The following TENM3 variants were observed in gnomAD, a reference collection of about 807,000 sequenced individuals.
TENM3 encodes the protein teneurin transmembrane protein 3.
TENM3 carries 63 observed loss-of-function variants against 255.1 expected under a neutral mutation model. The ratio of observed to expected loss-of-function variants is 0.25; its 90% CI spans 0.20 to 0.30. The LOEUF (loss-of-function observed/expected upper bound fraction) is 0.30, where lower values mean the gene tolerates loss of function less well. Ranked by LOEUF, TENM3 falls within the 10% of genes least tolerant of loss-of-function variation. The pLI is 1.00. For synonymous variants in TENM3, 1,306 were observed against 1,322.3 expected (o/e 0.99, Z 0.27); for missense variants, 2,929 against 3,461.1 (o/e 0.85, Z 3.86).
chr4:181,702,265 A>G, the TENM3 span, among the ~76,000 whole-genome samples: 1 of 152,216 alleles, frequency 6.6e-6, no homozygotes, highest in South Asian at 2.1e-4. Context: ...GTAAGATGTC[A>G]GATCAGTGCT....
At chr4:182,032,522 T>C in the TENM3 span, among the ~76,000 whole-genome samples, 1 of 152,126 alleles carries the variant, frequency 6.6e-6, no homozygotes, top group Non-Finnish European at 1.5e-5. Flanking sequence ...TTGTTGTTGA[T>C]GTATCTCTGT....
At chr4:181,661,630 A>G in the TENM3 span, among the ~76,000 whole-genome samples, 1 of 152,216 alleles carries the variant, frequency 6.6e-6, no homozygotes, top group East Asian at 1.9e-4. Flanking sequence ...CTGTTTGAAA[A>G]CTATCATTAA....
chr4:182,202,697 T>C (rs7349674), intron 1 of TENM3, among the ~76,000 whole-genome samples: 80,411 of 152,018 alleles, frequency 0.53, 24,024 homozygotes, highest in South Asian at 0.69. Context: ...ATCTTGCTGC[T>C]GGGTTTGCAG....
At chr4:182,707,060 A>G (rs1390177151) in intron 12 of TENM3, among the ~76,000 whole-genome samples, 1 of 152,126 alleles carries the variant, frequency 6.6e-6, no homozygotes, top group Admixed American at 6.5e-5. Flanking sequence ...CGATTTACAC[A>G]TTAAGTCACC....
the TENM3 span, among the ~76,000 whole-genome samples, chr4:181,605,526 GAAA>G: frequency 5.3e-5 from 1 of 18,932 alleles, no homozygotes; most frequent in South Asian, 2.5e-3. Flanking sequence ...AAGAAAGAAA[GAAA>G]GAAAGAAAGA....
the TENM3 span, among the ~76,000 whole-genome samples, chr4:181,640,211 C>T: frequency 6.6e-6 from 1 of 152,112 alleles, no homozygotes; most frequent in Non-Finnish European, 1.5e-5. Context: ...CTACTCCAGA[C>T]CTACTGAGCC....
chr4:181,720,549 T>C, the TENM3 span, among the ~76,000 whole-genome samples: 1 of 152,250 alleles, frequency 6.6e-6, no homozygotes, highest in Non-Finnish European at 1.5e-5. Context: ...TGACAAGCTG[T>C]ATTTTAAATG....
At chr4:182,567,743 T>C (rs1743933729) in intron 3 of TENM3, among the ~76,000 whole-genome samples, 1 of 142,226 alleles carries the variant, frequency 7.0e-6, no homozygotes. Context: ...CACCCTACTC[T>C]ATTTTTTTTT....
intron 3 of TENM3, among the ~76,000 whole-genome samples, chr4:182,424,920 G>T (rs922722219): frequency 6.6e-6 from 1 of 152,098 alleles, no homozygotes; most frequent in Non-Finnish European, 1.5e-5. Flanking sequence ...AGCCCCAATT[G>T]AGTATAGAAC....
chr4:182,255,059 T>A (rs192717220), intron 1 of TENM3, among the ~76,000 whole-genome samples: 48 of 152,306 alleles, frequency 3.2e-4, no homozygotes, highest in Admixed American at 2.7e-3. Context: ...TATCTTAAAT[T>A]TCAGTGCAGC....
chr4:181,555,511 TAAAAAC>T, the TENM3 span, among the ~76,000 whole-genome samples: 1 of 152,212 alleles, frequency 6.6e-6, no homozygotes, highest in Non-Finnish European at 1.5e-5. Flanking sequence ...ATTTAATTGA[TAAAAAC>T]AAATAAAATT....
the TENM3 span, among the ~76,000 whole-genome samples, chr4:181,464,237 C>A: frequency 6.6e-6 from 1 of 152,136 alleles, no homozygotes; most frequent in Non-Finnish European, 1.5e-5. Context: ...AACTCTTTTC[C>A]AAAGTAGCCG....
At chr4:182,068,428 C>T in the TENM3 span, among the ~76,000 whole-genome samples, 3 of 148,970 alleles carry the variant, frequency 2.0e-5, no homozygotes, top group South Asian at 6.4e-4. Flanking sequence ...GTATGAATCA[C>T]ATTAAAAAAA....
the TENM3 span, among the ~76,000 whole-genome samples, chr4:181,937,254 G>A: frequency 6.6e-6 from 1 of 152,216 alleles, no homozygotes; most frequent in South Asian, 2.1e-4. Context: ...GATTAGCAAG[G>A]TGGCCTTCCC....
At chr4:181,688,660 T>G in the TENM3 span, among the ~76,000 whole-genome samples, 1 of 152,100 alleles carries the variant, frequency 6.6e-6, no homozygotes, top group Admixed American at 6.6e-5. Context: ...TTTCCTGTGG[T>G]AAAATGGACA....
intron 3 of TENM3, among the ~76,000 whole-genome samples, chr4:182,567,499 C>G (rs1376262417): frequency 6.6e-6 from 1 of 152,144 alleles, no homozygotes. Flanking sequence ...AATGGCCTTC[C>G]AGATTCTACA....
the TENM3 span, among the ~76,000 whole-genome samples, chr4:181,878,864 T>C: frequency 6.6e-6 from 1 of 152,186 alleles, no homozygotes; most frequent in African/African-American, 2.4e-5. Flanking sequence ...TCTGTCTATC[T>C]ATCTATCTAC....
rs751949163 is a variant in TENM3, at chr4:182,463,601, GGCGCCTGCCACTGCGCC to G, written c.511+116673_511+116689del. Among the ~76,000 whole-genome samples, 8 of 151,678 alleles carry G rather than the reference GGCGCCTGCCACTGCGCC, an allele frequency of 5.3e-5. No homozygotes were observed. The East Asian group carries it at 1.6e-3, about 29-fold the overall frequency. ...TTCGAATCAAGTAGCTGGGATTACA[GGCGCCTGCCACTGCGCC>G]TGGCTAATTTTTTTTTTTTTTTGAG... On this transcript the variant is annotated intron_variant, in intron 3 of 27. Coordinates refer to ENST00000511685, the MANE Select transcript of TENM3 (RefSeq NM_001080477.4).
the TENM3 span, among the ~76,000 whole-genome samples, chr4:182,009,526 C>T: frequency 2.0e-5 from 3 of 152,174 alleles, no homozygotes; most frequent in Admixed American, 6.5e-5. Flanking sequence ...ACAGCCCGTG[C>T]GTTGGGCTGT....
Sources: gnomAD v4.1 joint callset for allele counts (sites outside exome capture counted in the v4.1 genomes callset) on GRCh38, gnomAD v4.1.1 for gene constraint, MANE v1.5 for transcripts, NCBI Gene and HGNC (gene_info 2026-07-23, HGNC 2026-07-21) for gene names.